The following APPBP2 variants were observed in gnomAD, a reference collection of about 807,000 sequenced individuals.
APPBP2 encodes the protein amyloid protein-binding protein 2.
In APPBP2, 15 loss-of-function variants were observed where a neutral mutation model predicts 76.0. That is an observed-to-expected ratio of 0.20 (90% CI 0.13 to 0.30). APPBP2 has a LOEUF of 0.30. Among genes scored for constraint, APPBP2 ranks in the 10% least tolerant of loss-of-function variants. APPBP2 has a pLI of 1.00. For missense variants in APPBP2, 401 were observed against 687.2 expected (o/e 0.58, Z 4.66); for synonymous variants, 222 against 242.2 (o/e 0.92, Z 0.77).
At chr17:60,470,494 G>A (rs2090544310) in intron 4 of APPBP2, among the ~76,000 whole-genome samples, 1 of 152,134 alleles carries the variant, frequency 6.6e-6, no homozygotes, top group African/African-American at 2.4e-5. Flanking sequence ...TCAAACTCTT[G>A]AGCTCAAGAA....
chr17:60,504,405 A>C (rs1314027079), intron 1 of APPBP2, among the ~76,000 whole-genome samples: 1 of 152,242 alleles, frequency 6.6e-6, no homozygotes, highest in East Asian at 1.9e-4. Context: ...ATGACAAAAG[A>C]AGCATTTTAA....
At chr17:60,518,527 T>TGTGTGTGTGTGTGTGTGTGTGTGTGTGA (rs1228556905) in intron 1 of APPBP2, among the ~76,000 whole-genome samples, 2 of 151,166 alleles carry the variant, frequency 1.3e-5, no homozygotes, top group African/African-American at 4.9e-5. Flanking sequence ...TGTGTGTGTG[T>TGTGTGTGTGTGTGTGTGTGTGTGTGTGA]GAAAGAGAGA....
intron 1 of APPBP2, among the ~76,000 whole-genome samples, chr17:60,506,170 T>A (rs1005628707): frequency 3.3e-5 from 5 of 151,934 alleles, no homozygotes; most frequent in Non-Finnish European, 7.4e-5. Flanking sequence ...TTTCCATTTT[T>A]TCTGTAGAGA....
intron 1 of APPBP2, among the ~76,000 whole-genome samples, chr17:60,519,423 A>C (rs2090989895): frequency 6.6e-6 from 1 of 152,128 alleles, no homozygotes; most frequent in African/African-American, 2.4e-5. Context: ...TTGGGCAACA[A>C]AGTGAGATAC....
chr17:60,494,952 T>G (rs1164251227), intron 2 of APPBP2, among the ~76,000 whole-genome samples: 5 of 151,008 alleles, frequency 3.3e-5, no homozygotes, highest in Non-Finnish European at 7.4e-5. Flanking sequence ...TAAAAGGCAA[T>G]GAAGATAGAA....
chr17:60,500,097 C>T (rs1474370565), intron 2 of APPBP2, among the ~76,000 whole-genome samples: 3 of 151,660 alleles, frequency 2.0e-5, no homozygotes, highest in Admixed American at 6.6e-5. Context: ...CTGCAAGCTC[C>T]GCCTCCCAGG....
Position 60,447,065 on chromosome 17 carries a change from G to T in APPBP2, c.*516C>A, listed in dbSNP as rs755469912. 2.0e-5 allele frequency: 3 copies of T among 152,990 alleles called. No individual in the cohort carries two copies. The highest frequency in any genetic ancestry group is 4.8e-5 in the African/African-American group (2 of 41,450). The allele number at this position is 152,990 out of a possible 1,614,324, so 9.5% of individuals were successfully genotyped here. A position where few individuals can be genotyped will look rare whatever the true frequency, so the allele number is the denominator to read the frequency against. On this transcript the variant is annotated 3_prime_UTR_variant, in exon 13 of 13. Transcript: ENST00000083182. ...ACTTATCTGGGCAAGGTAGAAAAAC[G>T]TAAGTCGGGATGTCCCTCTTTTATT...
chr17:60,468,759 G>A (rs540408029), intron 4 of APPBP2, among the ~76,000 whole-genome samples: 31 of 152,204 alleles, frequency 2.0e-4, no homozygotes, highest in Admixed American at 1.0e-3. Context: ...TTCTGCCTAA[G>A]GAAAAAGGAG....
intron 9 of APPBP2, among the ~76,000 whole-genome samples, chr17:60,456,853 T>C (rs114977606): frequency 0.015 from 2,252 of 152,012 alleles, 48 homozygotes; most frequent in African/African-American, 0.05. Flanking sequence ...AATTTACCAC[T>C]GGCCGGGTGC....
At chr17:60,513,384 G>C (rs2090934979) in intron 1 of APPBP2, 1 of 665,876 alleles carries the variant, frequency 1.5e-6, no homozygotes, top group African/African-American at 1.8e-5. Flanking sequence ...AGACATCTTT[G>C]TTGCCAAGAA....
intron 8 of APPBP2, 104 bp from the exon 9 acceptor site, chr17:60,460,891 A>C (rs989888140): frequency 1.2e-5 from 14 of 1,182,456 alleles, no homozygotes; most frequent in Non-Finnish European, 1.3e-5. Context: ...TAACACCATA[A>C]AATTTTGAAG....
In APPBP2 at chr17:60,499,168, T is replaced by C. The variant is rs190445263; in HGVS notation, c.227+1231A>G. 3.5e-3 allele frequency among the ~76,000 whole-genome samples: 490 copies of C among 141,396 alleles called. 6 individuals are homozygous for C. Among genetic ancestry groups the C allele is most frequent in the Non-Finnish European group, 3.0e-3 (195 of 64,342 alleles). The allele number at this position is 141,396 out of a possible 152,430, so 92.8% of individuals were successfully genotyped here. A position where few individuals can be genotyped will look rare whatever the true frequency, so the allele number is the denominator to read the frequency against. On this transcript the variant is annotated intron_variant, in intron 2 of 12. Transcript: ENST00000083182. ...CAACACAGCGAGACCTCATCTCTAC[T>C]AAAAATAAAAAAATTAGCTGGGTGT...
At chr17:60,471,394 A>T (rs1374665832) in intron 4 of APPBP2, among the ~76,000 whole-genome samples, 1 of 152,130 alleles carries the variant, frequency 6.6e-6, no homozygotes, top group Non-Finnish European at 1.5e-5. Context: ...CTTGTTCCTG[A>T]TCCTATGGGG....
intron 1 of APPBP2, among the ~76,000 whole-genome samples, chr17:60,524,097 G>A (rs1289831695): frequency 6.6e-6 from 1 of 152,194 alleles, no homozygotes; most frequent in Non-Finnish European, 1.5e-5. Flanking sequence ...TATTAAAACT[G>A]TGTGAACTAT....
At chr17:60,458,671 CA>C (rs1224434423) in intron 9 of APPBP2, among the ~76,000 whole-genome samples, 1 of 151,920 alleles carries the variant, frequency 6.6e-6, no homozygotes, top group Non-Finnish European at 1.5e-5. Context: ...TCCAGTAAAA[CA>C]TAAAACTTTA....
intron 4 of APPBP2, among the ~76,000 whole-genome samples, chr17:60,476,022 T>C (rs1405860060): frequency 1.3e-5 from 2 of 152,200 alleles, no homozygotes; most frequent in African/African-American, 4.8e-5. Flanking sequence ...ACTGTAGTTA[T>C]TTCTGAGCAG....
chr17:60,470,324 G>A (rs2004141022), intron 4 of APPBP2, among the ~76,000 whole-genome samples: 2 of 150,816 alleles, frequency 1.3e-5, no homozygotes, highest in African/African-American at 4.9e-5. Context: ...GCAGTTGCAT[G>A]ATCAAGCTCA....
chr17:60,479,485 T>A (rs1046031878), intron 3 of APPBP2, among the ~76,000 whole-genome samples: 3 of 152,008 alleles, frequency 2.0e-5, no homozygotes, highest in African/African-American at 7.2e-5. Context: ...GAATAAGGAG[T>A]CAAAAGTTTG....
intron 4 of APPBP2, among the ~76,000 whole-genome samples, chr17:60,468,945 A>G (rs1383015762): frequency 6.6e-6 from 1 of 152,238 alleles, no homozygotes; most frequent in Admixed American, 6.5e-5. Flanking sequence ...TATATTTACC[A>G]TAAGACTGAA....
Sources: gnomAD v4.1 joint callset for allele counts (sites outside exome capture counted in the v4.1 genomes callset) on GRCh38, gnomAD v4.1.1 for gene constraint, MANE v1.5 for transcripts, NCBI Gene and HGNC (gene_info 2026-07-23, HGNC 2026-07-21) for gene names.